Variants in CENATAC observed in about 807,000 individuals in gnomAD.
CENATAC encodes the protein centrosomal AT-AC splicing factor.
A neutral mutation model predicts 53.7 loss-of-function variants in CENATAC; 53 were observed. That is an observed-to-expected ratio of 0.99 (90% CI 0.79 to 1.24). The LOEUF is 1.24. Ranked by LOEUF, CENATAC falls within the 50% of genes most tolerant of loss-of-function variation. The pLI is 0.00. For synonymous variants in CENATAC, 156 were observed against 144.6 expected, an observed-to-expected ratio of 1.08 and a Z score of -0.57; for missense variants, 474 against 417.8, an observed-to-expected ratio of 1.13 and a Z score of -1.17.
At chr11:119,002,339 A>G (rs1942346555) in intron 3 of CENATAC, among the ~76,000 whole-genome samples, 1 of 145,708 alleles carries the variant, frequency 6.9e-6, no homozygotes, top group Non-Finnish European at 1.5e-5. Context: ...GAATAGAAAA[A>G]AGATTTTTTT....
chr11:119,009,430 A>T (rs1243970569), intron 3 of CENATAC: 1 of 152,202 alleles, frequency 6.6e-6, no homozygotes, highest in Non-Finnish European at 1.5e-5. Context: ...CCTGGCTTAA[A>T]TGATTTTTTA....
intron 3 of CENATAC, chr11:119,003,058 G>T (rs117652647): frequency 5.7e-6 from 3 of 526,092 alleles, no homozygotes; most frequent in African/African-American, 3.8e-5. Flanking sequence ...ATTGTAATCA[G>T]GAGCCAGTCG....
At position 119,012,139 on chromosome 11, in the gene CENATAC, T is replaced by C. The variant is rs996727622; in HGVS notation, c.579-10T>C. The C allele has an allele frequency of 2.5e-6, 4 of 1,614,076 alleles. No individual in the cohort carries two copies. The highest frequency in any genetic ancestry group is 1.6e-4 in the Middle Eastern group (1 of 6,084). ...GGACCTCATCTGGCAGCCTGGCTCA[T>C]GTTTTTCAGCCAAGTAGCTTCCAGC... On this transcript the variant is annotated splice_polypyrimidine_tract_variant and intron_variant, in intron 6 of 10. Coordinates refer to ENST00000334418, the MANE Select transcript of CENATAC (RefSeq NM_198489.3).
In CENATAC at chr11:118,998,494, G is replaced by T. The variant is rs782494985; in HGVS notation, c.185G>T (p.Arg62Leu). The T allele has an allele frequency of 6.2e-7, 1 of 1,613,082 alleles. No homozygotes were observed. The highest frequency in any genetic ancestry group is 1.1e-5 in the South Asian group (1 of 90,876). Residue 62 changes from arginine (R) to leucine (L), a missense_variant, in exon 2 of 11, where the codon CGA (arginine) becomes CTA (leucine). Arg to Leu is a moderately radical substitution (Grantham distance 102). Coordinates refer to ENST00000334418, the MANE Select transcript of CENATAC (RefSeq NM_198489.3). Reference sequence around the variant, plus strand: ...GAGCGCTATGTGCCCGAACACGAGCGATGCTGCTGGTGCCTGTGCTGCGGC... The same window carrying T: ...GAGCGCTATGTGCCCGAACACGAGCTATGCTGCTGGTGCCTGTGCTGCGGC... Reference protein sequence around the residue: ...QVERYVPEHERCCWCLCCGCE... With the variant: ...QVERYVPEHELCCWCLCCGCE...
chr11:119,002,014 A>G (rs1003599802), intron 3 of CENATAC, among the ~76,000 whole-genome samples: 1 of 152,082 alleles, frequency 6.6e-6, no homozygotes, highest in Non-Finnish European at 1.5e-5. Flanking sequence ...ATTTGAGGTC[A>G]GGAGTTCGAG....
chr11:119,011,207 CCT>C lies in CENATAC; in HGVS notation c.451-8_451-7del. 1.2e-6 allele frequency: 2 copies of C among 1,612,456 alleles called. No individual in the cohort carries two copies. Among genetic ancestry groups the C allele is most frequent in the Non-Finnish European group, 1.7e-6 (2 of 1,178,708 alleles). The stretch of plus-strand genomic sequence containing the variant: ...CATGATCCTGTACCTGTCTAAGCAG[CCT>C]CTCTCCCACAGATGGCAGCTCAGAT... On this transcript the variant is annotated splice_polypyrimidine_tract_variant and intron_variant, in intron 4 of 10. Transcript: ENST00000334418.
chr11:119,013,104 G>C lies in CENATAC; in HGVS notation c.685-128G>C, dbSNP rs1048345267. ...AAAGTTTAACATCAGCTGGGGTGCA[G>C]AATTAGCATTGTGGCAGCAGTCACA... On this transcript the variant is annotated intron_variant, in intron 7 of 10. Transcript: ENST00000334418. The C allele has an allele frequency of 4.4e-6, 3 of 675,676 alleles. No individual in the cohort carries two copies. The African/African-American group carries it at 5.6e-5, about 13-fold the overall frequency. 41.9% of individuals were successfully genotyped at this position (675,676 alleles called of 1,614,324 possible).
intron 3 of CENATAC, chr11:119,003,095 G>A (rs1393357470): frequency 5.7e-6 from 3 of 528,320 alleles, no homozygotes; most frequent in African/African-American, 3.8e-5. Context: ...CCATCAGGCC[G>A]AATCAGGGTG....
At chr11:119,014,204 C>CT (rs1316647197) in intron 8 of CENATAC, 1 of 152,248 alleles carries the variant, frequency 6.6e-6, no homozygotes, top group African/African-American at 2.4e-5. Context: ...ATTCAGATGT[C>CT]TATCAACAGG....
intron 3 of CENATAC, among the ~76,000 whole-genome samples, chr11:119,000,977 CTACAG>C (rs911558957): frequency 6.6e-6 from 1 of 152,092 alleles, no homozygotes; most frequent in Non-Finnish European, 1.5e-5. Flanking sequence ...AGATCCTAAT[CTACAG>C]TACATATCAA....
At chr11:118,998,699 G>C in intron 2 of CENATAC, 106 bp downstream of exon 2, 1 of 1,365,530 alleles carries the variant, frequency 7.3e-7, no homozygotes, top group East Asian at 2.5e-5. Flanking sequence ...GATCAAGAAG[G>C]ATGGATTGAG....
chr11:119,000,711 C>G (rs1393230979), intron 3 of CENATAC, among the ~76,000 whole-genome samples: 1 of 151,680 alleles, frequency 6.6e-6, no homozygotes, highest in African/African-American at 2.4e-5. Flanking sequence ...GAGCCGAGAT[C>G]GCACCACTTC....
At chr11:118,999,229 T>C in intron 3 of CENATAC, 120 bp downstream of exon 3, 1 of 692,100 alleles carries the variant, frequency 1.4e-6, no homozygotes, top group South Asian at 1.7e-5. Context: ...TCTGCTGTCT[T>C]CATAGCACTT....
intron 3 of CENATAC, chr11:119,010,283 G>A: frequency 6.4e-6 from 1 of 156,360 alleles, no homozygotes; most frequent in East Asian, 1.9e-4. Context: ...TGGATTCCAT[G>A]TGATCTTTTG....
rs1354414951 is a variant in CENATAC at position 119,015,401 on chromosome 11, T to C, written c.900T>C (p.Phe300=). 4 of 1,614,220 alleles carry C rather than the reference T, an allele frequency of 2.5e-6. No homozygotes were observed. In the South Asian group the frequency reaches 4.4e-5, roughly 18 times the overall value. The part of the protein sequence containing the change: ...SRTSAGWLPS[F]GRVWNNGRRW... ...CCAGTGCAGGCTGGCTGCCCTCTTT[T>C]GGCCGCGTCTGGAATAATGGACGCC... The change falls in exon 10 of 11, where the codon TTT becomes TTC. Residue 300 remains phenylalanine (F), a synonymous_variant. Coordinates refer to ENST00000334418, the MANE Select transcript of CENATAC (RefSeq NM_198489.3).
chr11:119,004,935 C>T (rs1351089716), intron 3 of CENATAC: 3 of 152,036 alleles, frequency 2.0e-5, no homozygotes, highest in Non-Finnish European at 4.4e-5. Flanking sequence ...TGACATTTGC[C>T]TGTAGTGCTA....
chr11:119,003,205 A>G (rs542468038), intron 3 of CENATAC: 32 of 531,004 alleles, frequency 6.0e-5, no homozygotes, highest in South Asian at 4.3e-4. Context: ...CTTCATGGAG[A>G]CTCAGTGGTC....
chr11:118,998,142 G>C lies in CENATAC; in HGVS notation c.-56G>C. On this transcript the variant is annotated 5_prime_UTR_variant, in exon 1 of 11. Coordinates refer to ENST00000334418, the MANE Select transcript of CENATAC (RefSeq NM_198489.3). ...CCACCCCGAGGGGTCAGGGTCAGAG[G>C]CCGCCGGATGGCGTAGGATCGGCCG... is the stretch of plus-strand genomic sequence containing the variant. The C allele has an allele frequency of 6.5e-7, 1 of 1,548,672 alleles. No homozygotes were observed. Among genetic ancestry groups the C allele is most frequent in the Non-Finnish European group, 8.7e-7 (1 of 1,150,956 alleles).
At chr11:119,002,952 AT>A (rs558672354) in intron 3 of CENATAC, 2,704 of 377,724 alleles carry the variant, frequency 7.2e-3, no homozygotes, top group South Asian at 0.01. Flanking sequence ...TGCCTTGATA[AT>A]TTTTTTTTTA....
Sources: gnomAD v4.1 joint callset for allele counts (sites outside exome capture counted in the v4.1 genomes callset) on GRCh38, gnomAD v4.1.1 for gene constraint, MANE v1.5 for transcripts, NCBI Gene and HGNC (gene_info 2026-07-23, HGNC 2026-07-21) for gene names.